The following ZNF180 variants were observed in gnomAD, a reference collection of about 807,000 sequenced individuals.
ZNF180 encodes the protein zinc finger protein 180.
In ZNF180, 11 loss-of-function variants were observed where a neutral mutation model predicts 11.8. The ratio of observed to expected loss-of-function variants is 0.93; its 90% CI spans 0.59 to 1.55. The LOEUF is 1.55. Among genes scored for constraint, ZNF180 ranks in the 40% most tolerant of loss-of-function variants. The pLI, the probability that ZNF180 is intolerant of heterozygous loss-of-function variation, is 0.00. For missense variants in ZNF180, 773 were observed against 781.7 expected, an observed-to-expected ratio of 0.99 and a Z score of 0.13; for synonymous variants, 287 against 257.7, an observed-to-expected ratio of 1.11 and a Z score of -1.09.
Position 44,488,101 on chromosome 19 carries a change from C to A in ZNF180, c.52-3666G>T, listed in dbSNP as rs1970283172. 4.5e-5 allele frequency among the ~76,000 whole-genome samples: 3 copies of A among 66,538 alleles called. 1 individual carries two copies. The East Asian group carries it at 1.6e-3, about 36-fold the overall frequency. The allele number at this position is 66,538 out of a possible 152,430, so 43.7% of individuals were successfully genotyped here. ...CTCCCTCTCCCCACGGTCTCCCTCT[C>A]CCTCTCTTTCCACGGTCTCCCTCTC... On this transcript the variant is annotated intron_variant, in intron 2 of 4. Transcript: ENST00000592529.
chr19:44,493,845 C>T (rs982039835), intron 2 of ZNF180, among the ~76,000 whole-genome samples: 1 of 152,158 alleles, frequency 6.6e-6, no homozygotes, highest in African/African-American at 2.4e-5. Flanking sequence ...TGTACAGCAC[C>T]TCTTGCCAAC....
Position 44,477,134 on chromosome 19 carries a change from G to C in ZNF180, c.1266C>G (p.Ser422Arg). The C allele has an allele frequency of 1.9e-6, 3 of 1,613,066 alleles. No individual in the cohort carries two copies. Among genetic ancestry groups the C allele is most frequent in the Non-Finnish European group, 1.7e-6 (2 of 1,179,196 alleles). ...TTCTTTGATGTGCAATAAGTTTATA[G>C]CTCTGCCTGAATGACTTTCCACACT... ...CNQCGKSFRQ[S>R]YKLIAHQRTH... The change falls in exon 5 of 5, where the codon AGC (serine) becomes AGG (arginine). Residue 422 changes from serine (S) to arginine (R), a missense_variant. Physicochemically the swap from Ser to Arg is moderately radical, Grantham distance 110. Transcript: ENST00000592529.
At chr19:44,500,090 C>T (rs1440066879) in intron 1 of ZNF180, 185 bp downstream of exon 1, 2 of 1,530,630 alleles carry the variant, frequency 1.3e-6, no homozygotes, top group Non-Finnish European at 1.8e-6. Flanking sequence ...CGCATGCACG[C>T]AGAGGACAGT....
intron 3 of ZNF180, among the ~76,000 whole-genome samples, chr19:44,481,272 C>T (rs190997428): frequency 6.4e-4 from 97 of 152,254 alleles, no homozygotes; most frequent in Non-Finnish European, 1.2e-3. Context: ...TCCTGAATGC[C>T]ATGAAAGCAC....
Position 44,480,736 on chromosome 19 carries a change from T to A in ZNF180, c.127-1327A>T, listed in dbSNP as rs116101037. On this transcript the variant is annotated intron_variant, in intron 3 of 4. Transcript: ENST00000592529. ...TAATTTTATGCAATTTTTAAAAAAA[T>A]TTTGTGTATGAAACAGTTTTGACTG... Among the ~76,000 whole-genome samples, 480 of 152,278 alleles carry A rather than the reference T, an allele frequency of 3.2e-3. 5 individuals carry two copies. The highest frequency in any genetic ancestry group is 0.011 in the African/African-American group (460 of 41,566).
At chr19:44,489,852 GAGA>G (rs1454470656) in intron 2 of ZNF180, among the ~76,000 whole-genome samples, 1 of 117,368 alleles carries the variant, frequency 8.5e-6, no homozygotes, top group African/African-American at 3.0e-5. Context: ...GAGATGAGAA[GAGA>G]AGAACAAGAA....
At chr19:44,487,547 G>T (rs1970261137) in intron 2 of ZNF180, among the ~76,000 whole-genome samples, 1 of 152,136 alleles carries the variant, frequency 6.6e-6, no homozygotes, top group South Asian at 2.1e-4. Flanking sequence ...GGTCTAAAAA[G>T]GAGAGGAACC....
At chr19:44,488,620 C>G (rs1048979729) in intron 2 of ZNF180, among the ~76,000 whole-genome samples, 2 of 152,034 alleles carry the variant, frequency 1.3e-5, no homozygotes, top group African/African-American at 4.8e-5. Flanking sequence ...GCTACAACCT[C>G]CACCTCCCAG....
intron 1 of ZNF180, 44 bp downstream of exon 1, chr19:44,500,231 A>G: frequency 6.2e-7 from 1 of 1,614,072 alleles, no homozygotes. Flanking sequence ...GACCCTGCGC[A>G]TGCGCGCATC....
chr19:44,476,101 TTC>T lies in ZNF180; in HGVS notation c.*299_*300del. The T allele has an allele frequency of 4.1e-6, 1 of 244,270 alleles. No homozygotes were observed. Among genetic ancestry groups the T allele is most frequent in the East Asian group, 8.6e-5 (1 of 11,634 alleles). 15.1% of individuals were successfully genotyped at this position (244,270 alleles called of 1,614,324 possible). A position where few individuals can be genotyped will look rare whatever the true frequency, so the allele number is the denominator to read the frequency against. ...TGGCAGTTGGCTTTGGCATATGATT[TTC>T]TCTGATTCAGGTCTGAGTGCTTTCT... is the stretch of plus-strand genomic sequence containing the variant. On this transcript the variant is annotated 3_prime_UTR_variant, in exon 5 of 5. Coordinates refer to ENST00000592529, the MANE Select transcript of ZNF180 (RefSeq NM_001278509.3).
intron 2 of ZNF180, among the ~76,000 whole-genome samples, chr19:44,488,650 A>G (rs886315617): frequency 4.3e-4 from 65 of 151,858 alleles, no homozygotes; most frequent in Non-Finnish European, 7.7e-4. Context: ...TTGGCCTCCC[A>G]AAGTGCCAAG....
rs1037209155 is a variant in ZNF180 at position 44,495,220 on chromosome 19, C to A, written c.51+2064G>T. 5.9e-5 allele frequency among the ~76,000 whole-genome samples: 9 copies of A among 152,120 alleles called. No individual in the cohort carries two copies. Among genetic ancestry groups the A allele is most frequent in the Non-Finnish European group, 1.2e-4 (8 of 68,024 alleles). On this transcript the variant is annotated intron_variant, in intron 2 of 4. Transcript: ENST00000592529. The surrounding 1 kb of genome is among the most constrained non-coding windows in gnomAD (Gnocchi z 4.5). ...CTGTAGGTAGTTCCTCTCCCATTTC[C>A]ACAATGACGCCCTCTCCCTATGGAT...
Position 44,476,645 on chromosome 19 carries a change from C to T in ZNF180, c.1755G>A (p.Lys585=). The change falls in exon 5 of 5, where the codon AAG becomes AAA. Residue 585 remains lysine, a synonymous_variant. Transcript: ENST00000592529. The part of the protein sequence containing the change: ...EKPYECSQCG[K]SFRQSSCLTQ... ...TAAGGCATGAACTCTGTCTGAAGGA[C>T]TTCCCACATTGACTGCATTCATAGG... is the stretch of plus-strand genomic sequence containing the variant. 1 of 1,613,994 alleles carries T rather than the reference C, an allele frequency of 6.2e-7. No homozygotes were observed. Among genetic ancestry groups the T allele is most frequent in the African/African-American group, 1.3e-5 (1 of 74,988 alleles).
chr19:44,490,457 T>G lies in ZNF180; in HGVS notation c.52-6022A>C, dbSNP rs559381251. The stretch of plus-strand genomic sequence containing the variant: ...GGAGCCACAAGTTTTGACCCCAAAC[T>G]GTTAATGGATTCAATCTTATCTGGC... On this transcript the variant is annotated intron_variant, in intron 2 of 4. Transcript: ENST00000592529. Among the ~76,000 whole-genome samples the G allele has an allele frequency of 1.2e-3, 186 of 152,328 alleles. 1 individual carries two copies. The highest frequency in any genetic ancestry group is 1.8e-3 in the Non-Finnish European group (125 of 68,018).
rs199572541 is a variant in ZNF180 at position 44,476,535 on chromosome 19, A to G, written c.1865T>C (p.Ile622Thr). 339 of 1,614,030 alleles carry G rather than the reference A, an allele frequency of 2.1e-4. No individual in the cohort carries two copies. Among genetic ancestry groups the G allele is most frequent in the Non-Finnish European group, 2.6e-4 (312 of 1,180,010 alleles). ...GKTFSLSARL[I>T]VHQRTHTGEK... ...TCCAGTATGAGTTCTTTGATGCACA[A>G]TAAGTCGAGCACTCAAGCTAAATGT... The change falls in exon 5 of 5, where the codon ATT becomes ACT. Residue 622 changes from isoleucine to threonine, a missense_variant. Ile to Thr is a moderately conservative substitution (Grantham distance 89, BLOSUM62 -1). Transcript: ENST00000592529.
intron 2 of ZNF180, among the ~76,000 whole-genome samples, chr19:44,492,602 C>T (rs535496652): frequency 3.0e-4 from 45 of 152,236 alleles, no homozygotes; most frequent in Non-Finnish European, 5.0e-4. Flanking sequence ...AGTGACCTGT[C>T]CGCTTCATAG....
intron 2 of ZNF180, among the ~76,000 whole-genome samples, chr19:44,489,194 GGTGAGGGGCGCCTCTGCCCGGCCA>G (rs1970351331): frequency 3.9e-5 from 2 of 51,210 alleles, no homozygotes; most frequent in East Asian, 7.2e-4. Flanking sequence ...CCGTCTGGGA[GGTGAGGGGCGCCTCTGCCCGGCCA>G]CCACCCCGTC....
chr19:44,476,185 T>C lies in ZNF180; in HGVS notation c.*217A>G. 2.2e-6 allele frequency: 1 copy of C among 452,630 alleles called. No homozygotes were observed. Among genetic ancestry groups the C allele is most frequent in the East Asian group, 3.4e-5 (1 of 29,246 alleles). The allele number at this position is 452,630 out of a possible 1,614,324, so 28.0% of individuals were successfully genotyped here. On this transcript the variant is annotated 3_prime_UTR_variant, in exon 5 of 5. Coordinates refer to ENST00000592529, the MANE Select transcript of ZNF180 (RefSeq NM_001278509.3). ...ATAGGAATATGTCATAAGAATCAAG[T>C]TTAACATTGTATATGGAATTGCCAG...
intron 2 of ZNF180, among the ~76,000 whole-genome samples, chr19:44,490,183 G>A (rs1319932543): frequency 7.0e-6 from 1 of 143,250 alleles, no homozygotes; most frequent in Non-Finnish European, 1.5e-5. Context: ...AGGGAGGGAG[G>A]GAGGGAGGGA....
Sources: allele counts gnomAD v4.1 joint callset (sites outside exome capture counted in the v4.1 genomes callset), GRCh38; gene constraint gnomAD v4.1.1; non-coding constraint Gnocchi (gnomAD v3.1); transcripts MANE v1.5; gene names NCBI Gene and HGNC (gene_info 2026-07-23, HGNC 2026-07-21).